COA1: variants seen among roughly 807,000 people sequenced by gnomAD.
The protein encoded by COA1 is cytochrome c oxidase assembly factor 1 homolog.
Under a neutral mutation model 16.0 loss-of-function variants are expected in COA1, and 13 were observed. The ratio of observed to expected loss-of-function variants is 0.81; its 90% confidence interval spans 0.53 to 1.29. The LOEUF (loss-of-function observed/expected upper bound fraction) is 1.29. Ranked by LOEUF, COA1 falls within the 50% of genes most tolerant of loss-of-function variation. The pLI is 0.00. For synonymous variants in COA1, 65 were observed against 65.7 expected, an observed-to-expected ratio of 0.99 and a Z score of 0.05; for missense variants, 179 against 177.0, an observed-to-expected ratio of 1.01 and a Z score of -0.06.
chr7:43,633,002 A>G (rs1012569004), intron 6 of COA1: 6 of 152,246 alleles, frequency 3.9e-5, no homozygotes, highest in Non-Finnish European at 7.3e-5. Flanking sequence ...AGAATAGTCA[A>G]TGAGCATTGG....
chr7:43,683,181 A>G (rs906921501), intron 1 of COA1, among the ~76,000 whole-genome samples: 1 of 152,196 alleles, frequency 6.6e-6, no homozygotes, highest in African/African-American at 2.4e-5. Flanking sequence ...CTTGAGAACA[A>G]TTATCAGAAT....
chr7:43,689,069 T>C lies in COA1; in HGVS notation c.-39+40360A>G, dbSNP rs1177374265. Among the ~76,000 whole-genome samples, 4 of 152,240 alleles carry C rather than the reference T, an allele frequency of 2.6e-5. No individual in the cohort carries two copies. The East Asian group carries it at 5.8e-4, about 22-fold the overall frequency. On this transcript the variant is annotated intron_variant, in intron 1 of 5. Coordinates refer to ENST00000223336, the MANE Select transcript of COA1 (RefSeq NM_018224.4). ...GTATTTAAATCTTCTCAGTTCATCA[T>C]AATTTAACTAAACCAACCCAATAAG...
chr7:43,644,918 A>G (rs1231398532), intron 4 of COA1, among the ~76,000 whole-genome samples: 1 of 151,892 alleles, frequency 6.6e-6, no homozygotes, highest in Non-Finnish European at 1.5e-5. Context: ...AAGTGCTGAG[A>G]GCTATCAAAG....
At chr7:43,691,142 A>G (rs1217339646) in intron 1 of COA1, among the ~76,000 whole-genome samples, 1 of 149,452 alleles carries the variant, frequency 6.7e-6, no homozygotes, top group Non-Finnish European at 1.5e-5. Flanking sequence ...GCTACTCTGG[A>G]GGCTGCAGTG....
intron 1 of COA1, among the ~76,000 whole-genome samples, chr7:43,675,670 A>G (rs1181190615): frequency 2.0e-5 from 3 of 152,186 alleles, no homozygotes; most frequent in African/African-American, 7.2e-5. Context: ...ATTAATTACA[A>G]ACTTTAATTT....
intron 1 of COA1, among the ~76,000 whole-genome samples, chr7:43,705,776 A>C (rs1479429146): frequency 6.6e-6 from 1 of 152,204 alleles, no homozygotes; most frequent in Non-Finnish European, 1.5e-5. Flanking sequence ...GATGTTCATG[A>C]GAATCATGGG....
chr7:43,688,182 A>T (rs1455561840), intron 1 of COA1, among the ~76,000 whole-genome samples: 2 of 152,214 alleles, frequency 1.3e-5, no homozygotes, highest in Admixed American at 6.5e-5. Flanking sequence ...CAGCAGCATG[A>T]AAACAAACTA....
At chr7:43,672,285 G>A (rs906250184) in intron 1 of COA1, among the ~76,000 whole-genome samples, 15 of 152,222 alleles carry the variant, frequency 9.9e-5, no homozygotes, top group East Asian at 1.9e-4. Context: ...AAATACTAGC[G>A]AATCGAATCT....
At chr7:43,640,198 T>C (rs2086700128) in intron 5 of COA1, among the ~76,000 whole-genome samples, 1 of 152,238 alleles carries the variant, frequency 6.6e-6, no homozygotes, top group South Asian at 2.1e-4. Context: ...GGAGAGCTTA[T>C]GCAAAGAATG....
chr7:43,623,451 C>T (rs2084130768), intron 6 of COA1: 3 of 757,262 alleles, frequency 4.0e-6, no homozygotes, highest in Non-Finnish European at 6.6e-6. Flanking sequence ...GGTAACCTTT[C>T]ATTTTAGCCC....
At chr7:43,609,884 C>G (rs893796863) in intron 6 of COA1, among the ~76,000 whole-genome samples, 2 of 152,206 alleles carry the variant, frequency 1.3e-5, no homozygotes, top group Non-Finnish European at 2.9e-5. Context: ...AGTATCCCCT[C>G]TAGCAGAAAG....
Position 43,640,547 on chromosome 7 carries a change from C to T in COA1, c.341+26G>A, listed in dbSNP as rs1333087751. 3.2e-6 allele frequency: 5 copies of T among 1,549,416 alleles called. No individual in the cohort carries two copies. The African/African-American group carries it at 4.1e-5, about 13-fold the overall frequency. On this transcript the variant is annotated intron_variant, in intron 5 of 5. Coordinates refer to ENST00000223336, the MANE Select transcript of COA1 (RefSeq NM_018224.4). ...ATCAGGAAGTCTTCCTCCCGCTCCC[C>T]CACTGCCGTCACCTTCCCAGGATAC...
At chr7:43,633,968 G>A (rs2330919) in intron 6 of COA1, among the ~76,000 whole-genome samples, 2 of 152,088 alleles carry the variant, frequency 1.3e-5, no homozygotes, top group African/African-American at 2.4e-5. Context: ...TTGTTTTCTC[G>A]TTACTCCTCA....
chr7:43,707,067 A>G (rs999229995), intron 1 of COA1, among the ~76,000 whole-genome samples: 2 of 151,814 alleles, frequency 1.3e-5, no homozygotes, highest in Non-Finnish European at 2.9e-5. Context: ...CTAGCTACTC[A>G]GGAGGCTGAG....
intron 1 of COA1, among the ~76,000 whole-genome samples, chr7:43,685,382 G>T (rs997394883): frequency 1.3e-5 from 2 of 151,616 alleles, no homozygotes; most frequent in Non-Finnish European, 2.9e-5. Context: ...AATTTCTGAC[G>T]TGTCATTAAA....
At chr7:43,626,171 A>C (rs1179075703) in intron 6 of COA1, 2 of 152,204 alleles carry the variant, frequency 1.3e-5, no homozygotes, top group African/African-American at 4.8e-5. Context: ...CACTATGAAC[A>C]ACTCAGACCT....
chr7:43,650,749 C>G (rs2090577479), intron 1 of COA1: 2 of 151,844 alleles, frequency 1.3e-5, no homozygotes, highest in South Asian at 4.1e-4. Context: ...TAAAAAGTTC[C>G]CAACTTCCAA....
At chr7:43,634,820 A>G (rs1327641594), downstream of COA1, among the ~76,000 whole-genome samples, 3 of 152,224 alleles carry the variant, frequency 2.0e-5, no homozygotes, top group African/African-American at 4.8e-5. Context: ...GGCTTTGCTT[A>G]GCCGTTGGCT....
chr7:43,666,940 G>A (rs1333000144), intron 1 of COA1, among the ~76,000 whole-genome samples: 1 of 152,186 alleles, frequency 6.6e-6, no homozygotes, highest in Non-Finnish European at 1.5e-5. Flanking sequence ...ACCATGGCAA[G>A]CAGGTCTTAA....
Sources: allele counts gnomAD v4.1 joint callset (sites outside exome capture counted in the v4.1 genomes callset), GRCh38; gene constraint gnomAD v4.1.1; transcripts MANE v1.5; gene names NCBI Gene and HGNC (gene_info 2026-07-23, HGNC 2026-07-21).